PTGFRN: variants seen among roughly 807,000 people sequenced by gnomAD.
PTGFRN encodes prostaglandin F2 receptor inhibitor.
In PTGFRN, 35 loss-of-function variants were observed where a neutral mutation model predicts 83.2. The ratio of observed to expected loss-of-function variants is 0.42; its 90% CI spans 0.32 to 0.56. PTGFRN has a LOEUF of 0.56. Ranked by LOEUF, PTGFRN falls within the 20% of genes least tolerant of loss-of-function variation. The pLI is 0.11. For synonymous variants in PTGFRN, 519 were observed against 498.6 expected (o/e 1.04, Z -0.55); for missense variants, 1,051 against 1,179.5 (o/e 0.89, Z 1.60).
chr1:116,915,038 A>G (rs1026008466), intron 1 of PTGFRN, among the ~76,000 whole-genome samples: 1 of 152,202 alleles, frequency 6.6e-6, no homozygotes, highest in Non-Finnish European at 1.5e-5. Context: ...ATGCCCAGAA[A>G]AGTTAGTTAA....
chr1:116,932,044 T>C (rs1289682762), intron 1 of PTGFRN, among the ~76,000 whole-genome samples: 1 of 152,210 alleles, frequency 6.6e-6, no homozygotes, highest in Non-Finnish European at 1.5e-5. Context: ...GGCAGCTCAG[T>C]GAAATAATAA....
At chr1:116,950,689 G>A (rs1431025249) in intron 4 of PTGFRN, among the ~76,000 whole-genome samples, 1 of 151,946 alleles carries the variant, frequency 6.6e-6, no homozygotes, top group Admixed American at 6.5e-5. Flanking sequence ...AAGATGGGGA[G>A]TTGGCCAGTG....
intron 4 of PTGFRN, among the ~76,000 whole-genome samples, chr1:116,957,441 TTCTGTGA>T (rs1168186063): frequency 6.6e-6 from 1 of 152,118 alleles, no homozygotes; most frequent in Non-Finnish European, 1.5e-5. Flanking sequence ...TTTCTGTGTG[TTCTGTGA>T]TCTGACCACT....
intron 5 of PTGFRN, among the ~76,000 whole-genome samples, chr1:116,962,975 C>T (rs1463382596): frequency 6.6e-6 from 1 of 152,158 alleles, no homozygotes; most frequent in Non-Finnish European, 1.5e-5. Context: ...TATGTGGTCA[C>T]CTACTATTAC....
intron 7 of PTGFRN, among the ~76,000 whole-genome samples, chr1:116,975,064 A>G (rs1398784598): frequency 6.6e-6 from 1 of 152,214 alleles, no homozygotes; most frequent in Middle Eastern, 3.2e-3. Context: ...CAAACGGCAC[A>G]CCAGGAGATT....
chr1:116,913,900 C>T (rs984585726), intron 1 of PTGFRN, among the ~76,000 whole-genome samples: 2 of 152,180 alleles, frequency 1.3e-5, no homozygotes, highest in Non-Finnish European at 2.9e-5. Flanking sequence ...TTAACACATT[C>T]TCTTTATGTC....
At chr1:116,940,456 A>G (rs185340106) in intron 1 of PTGFRN, among the ~76,000 whole-genome samples, 10 of 152,338 alleles carry the variant, frequency 6.6e-5, no homozygotes, top group Non-Finnish European at 2.9e-5. Context: ...CTATTCCAGT[A>G]TGACCTCATC....
intron 7 of PTGFRN, 28 bp downstream of exon 7, chr1:116,974,351 C>A: frequency 6.7e-7 from 1 of 1,494,668 alleles, no homozygotes; most frequent in East Asian, 2.3e-5. Flanking sequence ...CACCCCTTCA[C>A]CATGTTGCTT....
At chr1:116,914,691 C>T (rs1649355380) in intron 1 of PTGFRN, among the ~76,000 whole-genome samples, 1 of 151,678 alleles carries the variant, frequency 6.6e-6, no homozygotes, top group African/African-American at 2.4e-5. Context: ...GAGGTCAAGG[C>T]TGTAGGGGAC....
intron 1 of PTGFRN, among the ~76,000 whole-genome samples, chr1:116,910,499 C>T (rs1371842570): frequency 2.0e-5 from 3 of 151,824 alleles, no homozygotes; most frequent in Non-Finnish European, 4.4e-5. Flanking sequence ...GGCCGAGCCT[C>T]GCCCCCAACA....
At chr1:116,983,333 A>G (rs1651373189) in intron 7 of PTGFRN, among the ~76,000 whole-genome samples, 1 of 151,968 alleles carries the variant, frequency 6.6e-6, no homozygotes. Flanking sequence ...GCCTTCAGCA[A>G]CCACCCAGCA....
At chr1:116,957,934 T>C (rs1350857530) in intron 4 of PTGFRN, among the ~76,000 whole-genome samples, 1 of 152,210 alleles carries the variant, frequency 6.6e-6, no homozygotes. Flanking sequence ...TTGTCGCAAA[T>C]GGCAGGATTT....
chr1:116,955,773 A>G (rs1281462692), intron 4 of PTGFRN, among the ~76,000 whole-genome samples: 1 of 152,254 alleles, frequency 6.6e-6, no homozygotes, highest in African/African-American at 2.4e-5. Context: ...CAGCACGTAC[A>G]GAGAATCAAG....
chr1:116,949,858 G>A (rs1650297231), intron 4 of PTGFRN, among the ~76,000 whole-genome samples: 1 of 152,136 alleles, frequency 6.6e-6, no homozygotes, highest in African/African-American at 2.4e-5. Context: ...ACTGCTGAAT[G>A]GCTCTTTGAA....
At chr1:116,935,649 C>T (rs1055851827) in intron 1 of PTGFRN, among the ~76,000 whole-genome samples, 8 of 152,140 alleles carry the variant, frequency 5.3e-5, no homozygotes, top group African/African-American at 4.8e-5. Flanking sequence ...CATACATATA[C>T]GTAAACACTG....
rs1342689788 is a variant in PTGFRN at position 116,961,736 on chromosome 1, T to G, written c.1639+68T>G. ...CTTAAGTCGTGCCGCTGTGTGTTGATGCACAGTCACCCTCTGCAGGTTATC... is the reference window on the plus strand; with the variant it reads ...CTTAAGTCGTGCCGCTGTGTGTTGAGGCACAGTCACCCTCTGCAGGTTATC... On this transcript the variant is annotated intron_variant, in intron 5 of 8. Transcript: ENST00000393203. The surrounding 1 kb of genome is among the most constrained non-coding windows in gnomAD (Gnocchi z 5.4). The G allele has an allele frequency of 2.1e-6, 3 of 1,417,926 alleles. No individual in the cohort carries two copies. Among genetic ancestry groups the G allele is most frequent in the Non-Finnish European group, 1.9e-6 (2 of 1,041,208 alleles). 87.8% of individuals were successfully genotyped at this position (1,417,926 alleles called of 1,614,324 possible).
Position 116,958,591 on chromosome 1 carries a change from T to C in PTGFRN, c.1214-2652T>C, listed in dbSNP as rs1344629950. On this transcript the variant is annotated intron_variant, in intron 4 of 8. Coordinates refer to ENST00000393203, the MANE Select transcript of PTGFRN (RefSeq NM_020440.4). The surrounding 1 kb of genome is among the most constrained non-coding windows in gnomAD (Gnocchi z 4.9). ...GTATATGAATATGTGTGTACCTGCA[T>C]ACACACACACACCAGGCACCAGTCT... Among the ~76,000 whole-genome samples, 2 of 152,040 alleles carry C rather than the reference T, an allele frequency of 1.3e-5. No homozygotes were observed. Among genetic ancestry groups the C allele is most frequent in the Admixed American group, 1.3e-4 (2 of 15,272 alleles).
chr1:116,975,092 C>T (rs992421128), intron 7 of PTGFRN, among the ~76,000 whole-genome samples: 14 of 152,220 alleles, frequency 9.2e-5, no homozygotes, highest in Non-Finnish European at 1.6e-4. Flanking sequence ...GCACCTGGCT[C>T]GGAGGGTCCC....
chr1:116,944,727 G>A lies in PTGFRN; in HGVS notation c.467G>A (p.Ser156Asn). 4 of 1,470,160 alleles carry A rather than the reference G, an allele frequency of 2.7e-6. No homozygotes were observed. Among genetic ancestry groups the A allele is most frequent in the Non-Finnish European group, 3.6e-6 (4 of 1,118,808 alleles). The allele number at this position is 1,470,160 out of a possible 1,614,324, so 91.1% of individuals were successfully genotyped here. A position where few individuals can be genotyped will look rare whatever the true frequency, so the allele number is the denominator to read the frequency against. The change falls in exon 3 of 9, where the codon AGC becomes AAC. Residue 156 changes from serine to asparagine, a missense_variant. Coordinates refer to ENST00000393203, the MANE Select transcript of PTGFRN (RefSeq NM_020440.4). ...GGCCCCAGCGCGCGGCCCCCGCCGAGCCTGAGCCTGCGGGAGGGGGAGCCC... is the reference window on the plus strand; with the variant it reads ...GGCCCCAGCGCGCGGCCCCCGCCGAACCTGAGCCTGCGGGAGGGGGAGCCC... ...HVGPSARPPP[S>N]LSLREGEPFE...
Sources: allele counts gnomAD v4.1 joint callset (sites outside exome capture counted in the v4.1 genomes callset), GRCh38; gene constraint gnomAD v4.1.1; non-coding constraint Gnocchi (gnomAD v3.1); transcripts MANE v1.5; gene names NCBI Gene and HGNC (gene_info 2026-07-23, HGNC 2026-07-21).